Variants in EPHA3 observed in about 807,000 individuals in gnomAD.
EPHA3 encodes the protein ephrin type-A receptor 3.
Under a neutral mutation model 107.1 loss-of-function variants are expected in EPHA3, and 42 were observed. The ratio of observed to expected loss-of-function variants is 0.39; its 90% confidence interval spans 0.31 to 0.51. The LOEUF (loss-of-function observed/expected upper bound fraction) is 0.51, where lower values mean the gene tolerates loss of function less well. Ranked by LOEUF, EPHA3 falls within the 20% of genes least tolerant of loss-of-function variation. EPHA3 has a pLI of 0.78. For synonymous variants in EPHA3, 461 were observed against 424.8 expected, an observed-to-expected ratio of 1.09 and a Z score of -1.05; for missense variants, 1,183 against 1,211.2, an observed-to-expected ratio of 0.98 and a Z score of 0.35.
chr3:89,276,462 G>A (rs182692394), intron 3 of EPHA3, among the ~76,000 whole-genome samples: 129 of 152,176 alleles, frequency 8.5e-4, no homozygotes, highest in African/African-American at 2.9e-3. Flanking sequence ...GAATGGTTTT[G>A]CAAATGTCTC....
chr3:89,358,220 T>C (rs768141565), intron 5 of EPHA3, among the ~76,000 whole-genome samples: 5 of 151,104 alleles, frequency 3.3e-5, no homozygotes, highest in South Asian at 2.1e-4. Context: ...TATGGCTACA[T>C]TGAGATATTG....
rs1250867520 is a variant in EPHA3, at chr3:89,479,464, C to G, written c.2914C>G (p.Leu972Val). 6.2e-7 allele frequency: 1 copy of G among 1,614,148 alleles called. No homozygotes were observed. ...QKKIISSIKALETQSKNGPVP... is the reference protein window; with the variant it reads ...QKKIISSIKAVETQSKNGPVP... Reference sequence around the variant, plus strand: ...GAAGATCATCAGTAGCATTAAAGCTCTAGAAACGCAATCAAAGAATGGCCC... The same window carrying G: ...GAAGATCATCAGTAGCATTAAAGCTGTAGAAACGCAATCAAAGAATGGCCC... The change falls in exon 17 of 17, where the codon CTA (leucine) becomes GTA (valine). Residue 972 changes from leucine to valine, a missense_variant. Physicochemically the swap from Leu to Val is conservative, Grantham distance 32. Coordinates refer to ENST00000336596, the MANE Select transcript of EPHA3 (RefSeq NM_005233.6).
intron 3 of EPHA3, among the ~76,000 whole-genome samples, chr3:89,238,611 G>A (rs1559614218): frequency 6.6e-6 from 1 of 152,226 alleles, no homozygotes. Flanking sequence ...TTTAAAATGT[G>A]GATAATTGTC....
intron 5 of EPHA3, among the ~76,000 whole-genome samples, chr3:89,355,767 G>A (rs375667823): frequency 6.0e-5 from 9 of 150,072 alleles, no homozygotes; most frequent in Non-Finnish European, 1.0e-4. Context: ...AGATCTTCCC[G>A]TGTCTGGGGG....
At chr3:89,200,449 G>A (rs1705943456) in intron 2 of EPHA3, among the ~76,000 whole-genome samples, 1 of 152,164 alleles carries the variant, frequency 6.6e-6, no homozygotes, top group Non-Finnish European at 1.5e-5. Context: ...GTATATAATT[G>A]TTCAACAGAA....
chr3:89,371,668 T>A (rs2107471982), intron 5 of EPHA3, among the ~76,000 whole-genome samples: 1 of 151,660 alleles, frequency 6.6e-6, no homozygotes, highest in South Asian at 2.1e-4. Context: ...GGAAGAGTTT[T>A]GCTAGTTTGT....
chr3:89,113,333 G>T (rs1707159489), intron 1 of EPHA3, among the ~76,000 whole-genome samples: 1 of 151,930 alleles, frequency 6.6e-6, no homozygotes, highest in African/African-American at 2.4e-5. Flanking sequence ...TGTGTTCGGG[G>T]TGTGGATACA....
intron 5 of EPHA3, among the ~76,000 whole-genome samples, chr3:89,362,560 C>T (rs1025629370): frequency 5.3e-5 from 8 of 151,078 alleles, no homozygotes; most frequent in Non-Finnish European, 7.4e-5. Flanking sequence ...TCATATGACT[C>T]CTGTAATGAG....
At chr3:89,477,067 A>G (rs550763327) in intron 16 of EPHA3, among the ~76,000 whole-genome samples, 1 of 147,134 alleles carries the variant, frequency 6.8e-6, no homozygotes, top group Admixed American at 6.7e-5. Context: ...TCAAAAACTG[A>G]CTTTGCTGTC....
At chr3:89,244,110 T>G (rs1466834807) in intron 3 of EPHA3, among the ~76,000 whole-genome samples, 2 of 152,134 alleles carry the variant, frequency 1.3e-5, no homozygotes, top group Non-Finnish European at 2.9e-5. Context: ...TTTACATTTG[T>G]GTAATACTAA....
intron 5 of EPHA3, among the ~76,000 whole-genome samples, chr3:89,351,925 C>CA (rs71621543): frequency 0.065 from 5,411 of 83,884 alleles, 211 homozygotes; most frequent in African/African-American, 0.11. Context: ...AAGGCAGATG[C>CA]AAAAAAAAAA....
chr3:89,413,939 C>G (rs1709201116), intron 10 of EPHA3, among the ~76,000 whole-genome samples: 1 of 151,494 alleles, frequency 6.6e-6, no homozygotes, highest in African/African-American at 2.4e-5. Flanking sequence ...TATATTTACA[C>G]ATAAACACAT....
chr3:89,216,223 A>G (rs1046362401), intron 3 of EPHA3, among the ~76,000 whole-genome samples: 5 of 151,976 alleles, frequency 3.3e-5, no homozygotes, highest in African/African-American at 9.7e-5. Context: ...GAGGCATCAG[A>G]AAATAATTTT....
intron 3 of EPHA3, among the ~76,000 whole-genome samples, chr3:89,225,786 G>A (rs79491471): frequency 0.017 from 2,524 of 152,180 alleles, 63 homozygotes; most frequent in African/African-American, 0.055. Flanking sequence ...AAGTTGAAAG[G>A]GGTAAAGAAG....
intron 3 of EPHA3, among the ~76,000 whole-genome samples, chr3:89,244,646 A>C (rs1382912309): frequency 6.6e-6 from 1 of 152,226 alleles, no homozygotes; most frequent in Non-Finnish European, 1.5e-5. Context: ...ATACAAAGAA[A>C]TATTTTAAAT....
At chr3:89,354,324 A>G (rs1053621271) in intron 5 of EPHA3, among the ~76,000 whole-genome samples, 4 of 151,278 alleles carry the variant, frequency 2.6e-5, no homozygotes, top group Admixed American at 6.6e-5. Flanking sequence ...AAAAGCAGAT[A>G]TATTACTACC....
chr3:89,308,247 A>G (rs1246251401), intron 3 of EPHA3, among the ~76,000 whole-genome samples: 1 of 152,198 alleles, frequency 6.6e-6, no homozygotes, highest in African/African-American at 2.4e-5. Context: ...GAAAAGTAGT[A>G]CATAACTGTG....
At position 89,384,735 on chromosome 3, in the gene EPHA3, G is replaced by A. The variant is rs540600092; in HGVS notation, c.1307-11102G>A. ...CTCATGTTAAAAGACCACCAGATCC[G>A]TTAGCAGCTTCATATGATATATGTA... On this transcript the variant is annotated intron_variant, in intron 5 of 16. Coordinates refer to ENST00000336596, the MANE Select transcript of EPHA3 (RefSeq NM_005233.6). Among the ~76,000 whole-genome samples the A allele has an allele frequency of 1.5e-4, 23 of 152,228 alleles. No individual in the cohort carries two copies. In the South Asian group the frequency reaches 4.2e-3, roughly 27 times the overall value.
At chr3:89,439,481 T>G (rs1298540823) in intron 13 of EPHA3, among the ~76,000 whole-genome samples, 1 of 152,128 alleles carries the variant, frequency 6.6e-6, no homozygotes, top group Non-Finnish European at 1.5e-5. Context: ...AGAATGAATT[T>G]AGTATTATTT....
Sources: allele counts gnomAD v4.1 joint callset (sites outside exome capture counted in the v4.1 genomes callset), GRCh38; gene constraint gnomAD v4.1.1; transcripts MANE v1.5; gene names NCBI Gene and HGNC (gene_info 2026-07-23, HGNC 2026-07-21).